The following GALNS variants were observed in gnomAD, a reference collection of about 807,000 sequenced individuals.
GALNS encodes N-acetylgalactosamine-6-sulfatase.
Under a neutral mutation model 65.9 loss-of-function variants are expected in GALNS, and 65 were observed. The observed-to-expected ratio is 0.99, with a 90% confidence interval of 0.81 to 1.21. The LOEUF is 1.21. Ranked by LOEUF, GALNS falls within the 50% of genes most tolerant of loss-of-function variation. GALNS has a pLI of 0.00. For missense variants in GALNS, 776 were observed against 700.7 expected (o/e 1.11, Z -1.21); for synonymous variants, 346 against 288.9 (o/e 1.20, Z -2.00).
intron 12 of GALNS, among the ~76,000 whole-genome samples, chr16:88,818,925 G>A (rs574358910): frequency 2.0e-5 from 3 of 152,200 alleles, no homozygotes; most frequent in Non-Finnish European, 4.4e-5. Context: ...GACGTGGACC[G>A]GAGCAGCCAC....
intron 8 of GALNS, among the ~76,000 whole-genome samples, chr16:88,833,030 A>G (rs1384541225): frequency 1.4e-5 from 2 of 147,034 alleles, no homozygotes; most frequent in East Asian, 2.0e-4. Context: ...GTGAGCTGAG[A>G]TCGCGCCACT....
At chr16:88,826,934 C>T (rs1448029230) in intron 9 of GALNS, 96 bp from the exon 10 acceptor site, 3 of 1,452,290 alleles carry the variant, frequency 2.1e-6, no homozygotes, top group South Asian at 2.4e-5. Flanking sequence ...CGCTGCCCAG[C>T]TGGGTCTACA....
chr16:88,837,093 T>C (rs756088508), intron 5 of GALNS, among the ~76,000 whole-genome samples: 1 of 151,890 alleles, frequency 6.6e-6, no homozygotes, highest in Non-Finnish European at 1.5e-5. Flanking sequence ...CCAAGAAGAG[T>C]CAAGTTAAGC....
intron 1 of GALNS, chr16:88,856,210 C>T (rs979459829): frequency 3.3e-5 from 23 of 702,924 alleles, no homozygotes; most frequent in Non-Finnish European, 5.5e-5. Flanking sequence ...ACCTGACCTT[C>T]GCTCAGCATT....
At chr16:88,831,842 GGGGTGCGTGGAGGCTGAGCACA>G (rs1201450837) in intron 9 of GALNS, among the ~76,000 whole-genome samples, 134 bp downstream of exon 9, 10 of 149,504 alleles carry the variant, frequency 6.7e-5, no homozygotes, top group East Asian at 2.0e-4. Context: ...GGCTGAGCAT[GGGGTGCGTGGAGGCTGAGCACA>G]GGGTGCGTGG....
chr16:88,824,892 C>G, intron 10 of GALNS, 23 bp from the exon 11 acceptor site: 1 of 1,604,206 alleles, frequency 6.2e-7, no homozygotes. Flanking sequence ...AGGGGAGGAC[C>G]ATGTAATGAC....
chr16:88,836,587 G>A (rs997664767), intron 5 of GALNS, among the ~76,000 whole-genome samples: 13 of 152,110 alleles, frequency 8.5e-5, no homozygotes, highest in Admixed American at 3.3e-4. Context: ...CCAGGAGGCG[G>A]AGGTTGCAGT....
intron 9 of GALNS, 53 bp downstream of exon 9, chr16:88,831,945 G>T: frequency 6.7e-7 from 1 of 1,503,232 alleles, no homozygotes; most frequent in Admixed American, 1.7e-5. Flanking sequence ...CACACCCTGG[G>T]ATGGCTGCAG....
At chr16:88,816,750 G>C in intron 13 of GALNS, 10 of 985,422 alleles carry the variant, frequency 1.0e-5, no homozygotes, top group Non-Finnish European at 1.2e-5. Flanking sequence ...GGCACCCAGC[G>C]GCTCCCACGC....
Position 88,856,774 on chromosome 16 carries a change from A to G in GALNS, c.104T>C (p.Leu35Pro). ...SGAPQPPNIL[L>P]LLMDDMGWGD... ...CGCACTCACGTCGTCCATGAGCAGG[A>G]GCAGGATGTTGGGGGGCTGCGGGGC... The change falls in exon 1 of 14, where the codon CTC becomes CCC. Residue 35 changes from leucine to proline, a missense_variant. By Grantham distance (98) the Leu-to-Pro change is moderately conservative (BLOSUM62 -3). Transcript: ENST00000268695. 2 of 1,539,442 alleles carry G rather than the reference A, an allele frequency of 1.3e-6. No homozygotes were observed. Among genetic ancestry groups the G allele is most frequent in the Non-Finnish European group, 1.7e-6 (2 of 1,151,790 alleles).
At chr16:88,835,133 C>G (rs1179307216) in intron 8 of GALNS, 80 bp downstream of exon 8, 6 of 1,524,942 alleles carry the variant, frequency 3.9e-6, no homozygotes, top group Non-Finnish European at 5.3e-6. Flanking sequence ...CCACAGACCC[C>G]GTGGGCACAG....
chr16:88,828,420 T>C (rs1319637911), intron 9 of GALNS, among the ~76,000 whole-genome samples: 1 of 152,182 alleles, frequency 6.6e-6, no homozygotes, highest in East Asian at 1.9e-4. Flanking sequence ...GAAACCGTTA[T>C]CAGCGCTTTC....
chr16:88,852,117 G>C (rs1315776591), intron 1 of GALNS, among the ~76,000 whole-genome samples: 1 of 152,216 alleles, frequency 6.6e-6, no homozygotes, highest in East Asian at 1.9e-4. Flanking sequence ...GGGGCCCACT[G>C]ACACCTCATA....
intron 12 of GALNS, among the ~76,000 whole-genome samples, chr16:88,818,437 T>C (rs1231455110): frequency 6.6e-6 from 1 of 152,214 alleles, no homozygotes; most frequent in Admixed American, 6.5e-5. Context: ...CCGGGATATG[T>C]GGGCTGGGGC....
intron 8 of GALNS, among the ~76,000 whole-genome samples, chr16:88,834,425 C>T (rs1212744306): frequency 1.1e-5 from 1 of 88,350 alleles, no homozygotes. Flanking sequence ...GGCTGCAGGG[C>T]CCCCCTCAGC....
At chr16:88,847,994 T>C (rs1039284916) in intron 1 of GALNS, among the ~76,000 whole-genome samples, 1 of 152,220 alleles carries the variant, frequency 6.6e-6, no homozygotes, top group Non-Finnish European at 1.5e-5. Flanking sequence ...CCCTCCACAC[T>C]GTGGACCATG....
chr16:88,841,925 G>C lies in GALNS; in HGVS notation c.291C>G (p.Phe97Leu). Reference sequence around the variant, plus strand: ...TTCTGGCATGGGCGTTGGTGGTGTAGAAGCCATTGCGGATGGGTAGCCGTC... The same window carrying C: ...TTCTGGCATGGGCGTTGGTGGTGTACAAGCCATTGCGGATGGGTAGCCGTC... ...LTGRLPIRNG[F>L]YTTNAHARNA... Residue 97 changes from phenylalanine to leucine, a missense_variant, in exon 3 of 14, where the codon TTC becomes TTG. Coordinates refer to ENST00000268695, the MANE Select transcript of GALNS (RefSeq NM_000512.5). 6.2e-7 allele frequency: 1 copy of C among 1,613,596 alleles called. No individual in the cohort carries two copies. Among genetic ancestry groups the C allele is most frequent in the Non-Finnish European group, 8.5e-7 (1 of 1,179,830 alleles).
At chr16:88,821,897 C>T (rs1290658569) in intron 12 of GALNS, among the ~76,000 whole-genome samples, 1 of 152,126 alleles carries the variant, frequency 6.6e-6, no homozygotes, top group African/African-American at 2.4e-5. Context: ...GCCCCAGGAC[C>T]CCCAGGCCAG....
chr16:88,843,040 C>T (rs781558921), intron 1 of GALNS: 3 of 1,525,756 alleles, frequency 2.0e-6, no homozygotes, highest in Admixed American at 3.9e-5. Context: ...CTCAGCATCG[C>T]CTGCGTGCGT....
Sources: allele counts gnomAD v4.1 joint callset (sites outside exome capture counted in the v4.1 genomes callset), GRCh38; gene constraint gnomAD v4.1.1; transcripts MANE v1.5; gene names NCBI Gene and HGNC (gene_info 2026-07-23, HGNC 2026-07-21).